HMCN1: variants seen among roughly 807,000 people sequenced by gnomAD.
The protein encoded by HMCN1 is hemicentin 1.
HMCN1 carries 321 observed loss-of-function variants against 625.9 expected under a neutral mutation model. That is an observed-to-expected ratio of 0.51 (90% confidence interval 0.47 to 0.56). HMCN1 has a LOEUF of 0.56. Ranked by LOEUF, HMCN1 falls within the 20% of genes least tolerant of loss-of-function variation. HMCN1 has a pLI of 0.00. For synonymous variants in HMCN1, 2,425 were observed against 2,417.6 expected, an observed-to-expected ratio of 1.00 and a Z score of -0.09; for missense variants, 6,588 against 6,887.3, an observed-to-expected ratio of 0.96 and a Z score of 1.54.
intron 48 of HMCN1, among the ~76,000 whole-genome samples, chr1:186,063,066 G>GTGTGTATATATA (rs1491400415): frequency 5.3e-4 from 16 of 29,934 alleles, no homozygotes; most frequent in Non-Finnish European, 6.6e-4. Context: ...GTGTGTGTGT[G>GTGTGTATATATA]CATATATATA....
intron 11 of HMCN1, among the ~76,000 whole-genome samples, chr1:185,954,339 G>T (rs1649462502): frequency 1.3e-5 from 2 of 152,092 alleles, no homozygotes; most frequent in Non-Finnish European, 2.9e-5. Context: ...AGAGTACTTA[G>T]GTTTCGTTGT....
chr1:185,803,187 C>A (rs1571374852), intron 1 of HMCN1, among the ~76,000 whole-genome samples: 1 of 30,844 alleles, frequency 3.2e-5, no homozygotes. Flanking sequence ...ATTAGCAGAA[C>A]CAAAAAAAAA....
At chr1:185,890,289 G>GT (rs544234584) in intron 4 of HMCN1, among the ~76,000 whole-genome samples, 18 of 148,090 alleles carry the variant, frequency 1.2e-4, no homozygotes, top group South Asian at 4.1e-4. Context: ...TTTTTGAAAG[G>GT]TTTTTTGTGT....
At position 186,061,908 on chromosome 1, in the gene HMCN1, G is replaced by T; in HGVS notation, c.7370G>T (p.Cys2457Phe). Residue 2457 changes from cysteine (C) to phenylalanine (F), a missense_variant, in exon 47 of 107, where the codon TGC becomes TTC. Around this residue, in one of 3 missense-constraint regions of HMCN1, gnomAD observed 4,628 missense variants for 4,853.1 expected, o/e 0.95. Transcript: ENST00000271588. Reference sequence around the variant, plus strand: ...ATGGAAGATGCTGGCCAATATACTTGCGTTGTAAGGAATGCAGCTGGTGAA... The same window carrying T: ...ATGGAAGATGCTGGCCAATATACTTTCGTTGTAAGGAATGCAGCTGGTGAA... ...TTMEDAGQYT[C>F]VVRNAAGEER... The T allele has an allele frequency of 6.2e-7, 1 of 1,613,212 alleles. No homozygotes were observed. Among genetic ancestry groups the T allele is most frequent in the East Asian group, 2.2e-5 (1 of 44,826 alleles).
intron 97 of HMCN1, among the ~76,000 whole-genome samples, chr1:186,160,142 G>C (rs1369049743): frequency 1.3e-5 from 2 of 151,554 alleles, no homozygotes; most frequent in East Asian, 3.9e-4. Flanking sequence ...TCCTGGTTTA[G>C]TCTTGGGAGA....
chr1:185,972,797 G>A (rs1650922619), intron 15 of HMCN1, among the ~76,000 whole-genome samples: 2 of 152,066 alleles, frequency 1.3e-5, no homozygotes. Context: ...CTAGTGCCTG[G>A]TATTCTCATT....
At chr1:186,104,503 G>A (rs1660522894) in intron 69 of HMCN1, among the ~76,000 whole-genome samples, 1 of 152,122 alleles carries the variant, frequency 6.6e-6, no homozygotes, top group Non-Finnish European at 1.5e-5. Context: ...TGGAAGAAAG[G>A]GAACTGGAAG....
intron 11 of HMCN1, among the ~76,000 whole-genome samples, chr1:185,944,936 A>G (rs747095647): frequency 4.6e-5 from 7 of 152,200 alleles, no homozygotes; most frequent in Non-Finnish European, 1.0e-4. Flanking sequence ...TTTTGGTTCA[A>G]ATTTCCCCTA....
intron 10 of HMCN1, among the ~76,000 whole-genome samples, chr1:185,931,154 T>C (rs1667527062): frequency 6.6e-6 from 1 of 152,144 alleles, no homozygotes; most frequent in East Asian, 1.9e-4. Context: ...AATGGGTAGA[T>C]AGGTAATAAG....
At chr1:185,882,125 A>G (rs763759155) in intron 4 of HMCN1, among the ~76,000 whole-genome samples, 3 of 152,152 alleles carry the variant, frequency 2.0e-5, no homozygotes, top group Non-Finnish European at 2.9e-5. Context: ...AGAAAATTAC[A>G]TTTATTTTTG....
intron 68 of HMCN1, among the ~76,000 whole-genome samples, chr1:186,103,084 A>G (rs1660455817): frequency 6.6e-6 from 1 of 152,174 alleles, no homozygotes; most frequent in Non-Finnish European, 1.5e-5. Context: ...GTTTTTGTAG[A>G]AACTATTGGT....
chr1:186,171,137 T>G (rs190958568), intron 100 of HMCN1, among the ~76,000 whole-genome samples, 200 bp from the exon 101 acceptor site: 3 of 152,176 alleles, frequency 2.0e-5, no homozygotes, highest in African/African-American at 7.2e-5. Context: ...TTGTCTACTT[T>G]TAAGAGTATT....
At position 185,993,342 on chromosome 1, in the gene HMCN1, T is replaced by C. The variant is rs550606787; in HGVS notation, c.3505+33T>C. 2.3e-5 allele frequency: 37 copies of C among 1,610,548 alleles called. No individual in the cohort carries two copies. The South Asian group carries it at 4.1e-4, about 18-fold the overall frequency. On this transcript the variant is annotated intron_variant, in intron 23 of 106. Transcript: ENST00000271588. ...TTGAAATGAGAACATATGACAACCC[T>C]GTGGACTGGCCACACAAAAACCCGT...
Position 186,093,254 on chromosome 1 carries a change from C to A in HMCN1, c.10008C>A (p.Val3336=). The A allele has an allele frequency of 4.3e-6, 7 of 1,613,242 alleles. No individual in the cohort carries two copies. Among genetic ancestry groups the A allele is most frequent in the Non-Finnish European group, 5.9e-6 (7 of 1,179,508 alleles). ...GEEDRIFNLN[V]YVTPTIRGNK... ...AAGACCGAATTTTTAACTTGAATGT[C>A]TATGGTAAATATGAAATATCCCCCT... The change falls in exon 65 of 107, where the codon GTC becomes GTA. Residue 3336 remains valine (V), a synonymous_variant. Transcript: ENST00000271588.
intron 1 of HMCN1, among the ~76,000 whole-genome samples, chr1:185,845,054 G>T (rs1661725519): frequency 6.6e-6 from 1 of 152,298 alleles, no homozygotes; most frequent in Admixed American, 6.5e-5. Flanking sequence ...GTACATCTGG[G>T]CGGTTGTGAG....
intron 2 of HMCN1, among the ~76,000 whole-genome samples, chr1:185,859,746 A>T (rs1264553277): frequency 6.6e-6 from 1 of 151,768 alleles, no homozygotes; most frequent in African/African-American, 2.4e-5. Flanking sequence ...ATTCACTGCA[A>T]CCTCCGCCTC....
chr1:185,987,620 C>T (rs1652090516), intron 20 of HMCN1, 76 bp downstream of exon 20: 2 of 950,066 alleles, frequency 2.1e-6, no homozygotes, highest in Admixed American at 3.4e-5. Context: ...TAGTCTTGAG[C>T]AGGAGGCTCA....
chr1:186,159,309 A>G (rs942124893), intron 97 of HMCN1, among the ~76,000 whole-genome samples: 7 of 152,130 alleles, frequency 4.6e-5, no homozygotes, highest in South Asian at 4.2e-4. Flanking sequence ...TCAGCTTAAG[A>G]AGATTTTGGG....
chr1:186,140,566 T>C (rs1002459133), intron 89 of HMCN1, among the ~76,000 whole-genome samples: 1 of 152,210 alleles, frequency 6.6e-6, no homozygotes, highest in African/African-American at 2.4e-5. Flanking sequence ...TCTGTCATTG[T>C]ATAGTTACTA....
Sources: allele counts gnomAD v4.1 joint callset (sites outside exome capture counted in the v4.1 genomes callset), GRCh38; gene constraint gnomAD v4.1.1; regional missense constraint gnomAD v4.1.1; transcripts MANE v1.5; gene names NCBI Gene and HGNC (gene_info 2026-07-23, HGNC 2026-07-21).